The following MACROH2A1 variants were observed in gnomAD, a reference collection of about 807,000 sequenced individuals.
MACROH2A1 encodes core histone macro-H2A.1.
In MACROH2A1, 2 loss-of-function variants were observed where a neutral mutation model predicts 31.6. The ratio of observed to expected loss-of-function variants is 0.06; its 90% CI spans 0.03 to 0.20. MACROH2A1 has a LOEUF of 0.20. Ranked by LOEUF, MACROH2A1 falls within the 10% of genes least tolerant of loss-of-function variation. MACROH2A1 has a pLI of 1.00. For missense variants in MACROH2A1, 230 were observed against 474.0 expected (o/e 0.49, Z 4.78); for synonymous variants, 169 against 189.6 (o/e 0.89, Z 0.89).
At chr5:135,338,742 T>G (rs1292061952) in intron 8 of MACROH2A1, among the ~76,000 whole-genome samples, 1 of 151,282 alleles carries the variant, frequency 6.6e-6, no homozygotes, top group Non-Finnish European at 1.5e-5. Context: ...CATTCCTGCC[T>G]GGCCTGGCCT....
At chr5:135,372,917 G>A (rs1387486345) in intron 2 of MACROH2A1, among the ~76,000 whole-genome samples, 2 of 152,216 alleles carry the variant, frequency 1.3e-5, no homozygotes, top group Admixed American at 6.5e-5. Context: ...TTGGGCCATC[G>A]GTATCTGCAG....
At position 135,369,740 on chromosome 5, in the gene MACROH2A1, G is replaced by A. The variant is rs1305385226; in HGVS notation, c.280-137C>T. 6.0e-6 allele frequency: 4 copies of A among 670,626 alleles called. No individual in the cohort carries two copies. Among genetic ancestry groups the A allele is most frequent in the Non-Finnish European group, 1.0e-5 (4 of 388,364 alleles). 41.5% of individuals were successfully genotyped at this position (670,626 alleles called of 1,614,324 possible). The stretch of plus-strand genomic sequence containing the variant: ...CCATGGCATCCTCCATGAGGATGCT[G>A]CCAGGACTCAAGCTCACTGCTCAGG... On this transcript the variant is annotated intron_variant, in intron 3 of 8. Coordinates refer to ENST00000511689, the MANE Select transcript of MACROH2A1 (RefSeq NM_138610.3). This position sits in a 1 kb window ranked among gnomAD's most constrained non-coding sequence, Gnocchi z 4.3.
chr5:135,377,285 C>T (rs1297009990), intron 2 of MACROH2A1, among the ~76,000 whole-genome samples: 1 of 152,198 alleles, frequency 6.6e-6, no homozygotes, highest in Non-Finnish European at 1.5e-5. Context: ...ACCCACCAAT[C>T]ACTTGCTGTC....
At chr5:135,382,888 GA>G (rs1298078066) in intron 2 of MACROH2A1, among the ~76,000 whole-genome samples, 4 of 152,178 alleles carry the variant, frequency 2.6e-5, no homozygotes, top group Non-Finnish European at 5.9e-5. Context: ...GACTCTTTAG[GA>G]GGACCATGAA....
intron 2 of MACROH2A1, among the ~76,000 whole-genome samples, chr5:135,370,454 C>A (rs1178480305): frequency 6.6e-6 from 1 of 152,174 alleles, no homozygotes; most frequent in Non-Finnish European, 1.5e-5. Flanking sequence ...CTCTCATTTC[C>A]CAGAAAGGGT....
At chr5:135,380,975 A>C (rs1209315068) in intron 2 of MACROH2A1, among the ~76,000 whole-genome samples, 1 of 152,236 alleles carries the variant, frequency 6.6e-6, no homozygotes, top group East Asian at 1.9e-4. Flanking sequence ...AAAGAAGTTC[A>C]ACAAAAGTAA....
rs1479338521 is a variant in MACROH2A1 at position 135,345,584 on chromosome 5, A to G, written c.778+384T>C. 5 of 167,518 alleles carry G rather than the reference A, an allele frequency of 3.0e-5. No individual in the cohort carries two copies. In the South Asian group the frequency reaches 6.8e-4, roughly 23 times the overall value. 10.4% of individuals were successfully genotyped at this position (167,518 alleles called of 1,614,324 possible). Reference sequence around the variant, plus strand: ...ATTGGCAAATGAGAAATGTGTATTTATATGTTTCCTCTTACACACACAGAT... The same window carrying G: ...ATTGGCAAATGAGAAATGTGTATTTGTATGTTTCCTCTTACACACACAGAT... On this transcript the variant is annotated intron_variant, in intron 7 of 8. Coordinates refer to ENST00000511689, the MANE Select transcript of MACROH2A1 (RefSeq NM_138610.3).
intron 2 of MACROH2A1, among the ~76,000 whole-genome samples, chr5:135,375,099 C>A (rs1167005356): frequency 3.3e-5 from 5 of 152,220 alleles, no homozygotes; most frequent in Non-Finnish European, 4.4e-5. Flanking sequence ...GGTGAGCAAA[C>A]TGGCCAGCTC....
chr5:135,370,485 A>G (rs1038779709), intron 2 of MACROH2A1, among the ~76,000 whole-genome samples: 3 of 152,216 alleles, frequency 2.0e-5, no homozygotes, highest in Admixed American at 6.5e-5. Context: ...AGCACTGCAG[A>G]TGTCACCAGG....
chr5:135,364,651 C>T (rs1763267586), intron 4 of MACROH2A1, among the ~76,000 whole-genome samples: 1 of 152,200 alleles, frequency 6.6e-6, no homozygotes, highest in African/African-American at 2.4e-5. Flanking sequence ...AGCTGGGAGA[C>T]ATTTAAGAAA....
intron 2 of MACROH2A1, 42 bp from the exon 3 acceptor site, chr5:135,370,184 C>G (rs1164683290): frequency 7.8e-7 from 1 of 1,281,506 alleles, no homozygotes; most frequent in Non-Finnish European, 1.1e-6. Context: ...GTTAGAGGAC[C>G]ATGTGTCCCC....
chr5:135,394,086 G>A (rs542030761), intron 1 of MACROH2A1, among the ~76,000 whole-genome samples: 27 of 152,242 alleles, frequency 1.8e-4, no homozygotes, highest in Non-Finnish European at 1.6e-4. Flanking sequence ...AACAAGCTGT[G>A]TACTACTAGG....
At chr5:135,348,769 G>A (rs1042253478) in intron 6 of MACROH2A1, among the ~76,000 whole-genome samples, 3 of 152,228 alleles carry the variant, frequency 2.0e-5, no homozygotes, top group Non-Finnish European at 4.4e-5. Flanking sequence ...CAGTCTTTCT[G>A]CCTTGGCCAG....
intron 2 of MACROH2A1, 67 bp downstream of exon 2, chr5:135,388,855 T>G: frequency 7.5e-7 from 1 of 1,335,432 alleles, no homozygotes; most frequent in Non-Finnish European, 1.0e-6. Context: ...AAAAGTGGTC[T>G]TTGGAGAACT....
chr5:135,379,443 T>A (rs1391311327), intron 2 of MACROH2A1, among the ~76,000 whole-genome samples: 1 of 152,122 alleles, frequency 6.6e-6, no homozygotes, highest in African/African-American at 2.4e-5. Flanking sequence ...CCAAAGAGGT[T>A]TTATGTCATC....
At chr5:135,389,281 T>G in intron 1 of MACROH2A1, 155 bp from the exon 2 acceptor site, 1 of 455,472 alleles carries the variant, frequency 2.2e-6, no homozygotes. Context: ...TGCACTCCGC[T>G]GGAGCAGTTT....
chr5:135,389,314 G>T, intron 1 of MACROH2A1, 188 bp from the exon 2 acceptor site: 1 of 417,090 alleles, frequency 2.4e-6, no homozygotes, highest in Non-Finnish European at 4.3e-6. Flanking sequence ...GAAAGGCTTG[G>T]CTTTGCACAA....
intron 5 of MACROH2A1, chr5:135,358,155 C>T (rs969963367): frequency 6.1e-6 from 6 of 984,848 alleles, no homozygotes; most frequent in African/African-American, 1.7e-5. Context: ...CTTTTTTACA[C>T]TATATGCCAT....
chr5:135,382,900 G>A (rs148797729), intron 2 of MACROH2A1, among the ~76,000 whole-genome samples: 2,566 of 152,312 alleles, frequency 0.017, 40 homozygotes, highest in South Asian at 0.033. Flanking sequence ...GGACCATGAA[G>A]AACCAGATAA....
Sources: gnomAD v4.1 joint callset for allele counts (sites outside exome capture counted in the v4.1 genomes callset) on GRCh38, gnomAD v4.1.1 for gene constraint, Gnocchi (gnomAD v3.1) non-coding constraint, MANE v1.5 for transcripts, NCBI Gene and HGNC (gene_info 2026-07-23, HGNC 2026-07-21) for gene names.